Variants in TOP2B observed in about 807,000 individuals in gnomAD.
TOP2B encodes DNA topoisomerase II beta.
A neutral mutation model predicts 193.5 loss-of-function variants in TOP2B; 51 were observed. The observed-to-expected ratio is 0.26, with a 90% CI of 0.21 to 0.33. The LOEUF is 0.33. Ranked by LOEUF, TOP2B falls within the 10% of genes least tolerant of loss-of-function variation. The pLI is 1.00. For synonymous variants in TOP2B, 634 were observed against 635.7 expected (o/e 1.00, Z 0.04); for missense variants, 1,378 against 1,909.3 (o/e 0.72, Z 5.19).
chr3:25,598,427 G>A lies in TOP2B; in HGVS notation c.4761C>T (p.Pro1587=). ...AAGGTGGCTCAGTAGGGAAGTCTGAGGGGAAGATGTCCACATCTGAATCCT... is the reference window on the plus strand; with the variant it reads ...AAGGTGGCTCAGTAGGGAAGTCTGAAGGGAAGATGTCCACATCTGAATCCT... The part of the protein sequence containing the change: ...FDQDSDVDIF[P]SDFPTEPPSL... Residue 1587 remains proline, a synonymous_variant, in exon 36 of 36, where the codon CCC becomes CCT. Coordinates refer to ENST00000264331, the MANE Select transcript of TOP2B (RefSeq NM_001330700.2). The A allele has an allele frequency of 6.2e-7, 1 of 1,613,274 alleles. No individual in the cohort carries two copies. Among genetic ancestry groups the A allele is most frequent in the East Asian group, 2.2e-5 (1 of 44,864 alleles).
chr3:25,646,928 G>C (rs1005395275), intron 1 of TOP2B, among the ~76,000 whole-genome samples: 8 of 151,874 alleles, frequency 5.3e-5, no homozygotes, highest in African/African-American at 1.9e-4. Flanking sequence ...CAAAATAAAA[G>C]TATTAAAAAT....
At chr3:25,642,932 T>C (rs982535442) in intron 3 of TOP2B, among the ~76,000 whole-genome samples, 15 of 152,192 alleles carry the variant, frequency 9.9e-5, no homozygotes, top group African/African-American at 3.4e-4. Flanking sequence ...TCAAGGAAAT[T>C]TGAACACAAT....
chr3:25,624,970 T>G, intron 18 of TOP2B, 167 bp from the exon 19 acceptor site: 1 of 646,770 alleles, frequency 1.5e-6, no homozygotes, highest in Non-Finnish European at 2.6e-6. Context: ...TGTTTGTTTG[T>G]TTTTTCCTAG....
intron 28 of TOP2B, among the ~76,000 whole-genome samples, chr3:25,612,232 G>A (rs982406813): frequency 2.6e-5 from 4 of 152,156 alleles, no homozygotes; most frequent in African/African-American, 9.7e-5. Flanking sequence ...GTGAGCCACC[G>A]TGCCCGGCCG....
In TOP2B at chr3:25,623,660, C is replaced by A. The variant is rs757437706; in HGVS notation, c.2582G>T (p.Trp861Leu). The A allele has an allele frequency of 9.9e-6, 16 of 1,613,688 alleles. No homozygotes were observed. The highest frequency in any genetic ancestry group is 3.3e-5 in the Admixed American group (2 of 59,992). The part of the protein sequence containing the change: ...YDDNQRVEPE[W>L]YIPIIPMVLI... The stretch of plus-strand genomic sequence containing the variant: ...AACCATGGGAATTATAGGAATATAC[C>A]ACTCAGGCTCTACACGTTGATTATC... The change falls in exon 21 of 36, where the codon TGG becomes TTG. Residue 861 changes from tryptophan (W) to leucine (L), a missense_variant. Trp to Leu is a moderately conservative substitution (Grantham distance 61). Around this residue, in one of 9 missense-constraint regions of TOP2B, gnomAD observed 379 missense variants for 615.1 expected, o/e 0.62. Transcript: ENST00000264331.
rs1431718833 is a variant in TOP2B, at chr3:25,598,123, T to C, written c.*184A>G. 1 of 546,124 alleles carries C rather than the reference T, an allele frequency of 1.8e-6. No individual in the cohort carries two copies. The highest frequency in any genetic ancestry group is 3.1e-6 in the Non-Finnish European group (1 of 323,672). The allele number at this position is 546,124 out of a possible 1,614,324, so 33.8% of individuals were successfully genotyped here. A position where few individuals can be genotyped will look rare whatever the true frequency, so the allele number is the denominator to read the frequency against. On this transcript the variant is annotated 3_prime_UTR_variant, in exon 36 of 36. Transcript: ENST00000264331. ...AATCAGACAGTACGTGACATTTCAA[T>C]GAGTAAAAAAGAGCATAAAACTGTA...
chr3:25,623,452 G>A, intron 21 of TOP2B, 63 bp downstream of exon 21: 2 of 1,432,802 alleles, frequency 1.4e-6, no homozygotes, highest in East Asian at 4.7e-5. Flanking sequence ...TTTCTAAAAT[G>A]ACGGGAATTT....
At chr3:25,650,630 G>A (rs1703559507) in intron 1 of TOP2B, among the ~76,000 whole-genome samples, 1 of 152,194 alleles carries the variant, frequency 6.6e-6, no homozygotes, top group African/African-American at 2.4e-5. Context: ...AATTGTGGAA[G>A]CTGAACCGAC....
At chr3:25,637,714 C>T (rs1324886825) in intron 5 of TOP2B, among the ~76,000 whole-genome samples, 4 of 151,880 alleles carry the variant, frequency 2.6e-5, no homozygotes, top group African/African-American at 9.7e-5. Context: ...AAACAAAAAA[C>T]CTATCAACCT....
chr3:25,651,809 G>A (rs1703598333), intron 1 of TOP2B, among the ~76,000 whole-genome samples: 1 of 151,468 alleles, frequency 6.6e-6, no homozygotes, highest in African/African-American at 2.4e-5. Flanking sequence ...AGGTTGCAGT[G>A]AGCCAAGATT....
rs1190126587 is a variant in TOP2B, at chr3:25,629,954, TC to T, written c.1689+74del. 4.2e-6 allele frequency: 6 copies of T among 1,422,668 alleles called. No homozygotes were observed. In the African/African-American group the frequency reaches 7.2e-5, roughly 17 times the overall value. The allele number at this position is 1,422,668 out of a possible 1,614,324, so 88.1% of individuals were successfully genotyped here. ...TTCAGTTATACCATCTTCGGGCAAG[TC>T]TCATAAAACAAATATTAAAGGGAGA... On this transcript the variant is annotated intron_variant, in intron 13 of 35. Coordinates refer to ENST00000264331, the MANE Select transcript of TOP2B (RefSeq NM_001330700.2).
chr3:25,618,638 A>C lies in TOP2B; in HGVS notation c.3259+16T>G. On this transcript the variant is annotated intron_variant, in intron 24 of 35. Transcript: ENST00000264331. ...CATTTTAACTAATGTTCAAATTTTT[A>C]AAGGTTGTATCTTACCTATAGTAAT... The C allele has an allele frequency of 6.4e-7, 1 of 1,574,688 alleles. No individual in the cohort carries two copies. Among genetic ancestry groups the C allele is most frequent in the East Asian group, 2.2e-5 (1 of 44,526 alleles).
chr3:25,643,661 G>T, intron 3 of TOP2B, 33 bp downstream of exon 3: 1 of 1,486,436 alleles, frequency 6.7e-7, no homozygotes, highest in Non-Finnish European at 9.4e-7. Flanking sequence ...GATATTAATA[G>T]AAACATGCAT....
chr3:25,650,026 C>T (rs1302794185), intron 1 of TOP2B, among the ~76,000 whole-genome samples: 3 of 152,084 alleles, frequency 2.0e-5, no homozygotes, highest in African/African-American at 7.2e-5. Flanking sequence ...ACATTATCAA[C>T]TGAAAAAATT....
At position 25,599,544 on chromosome 3, in the gene TOP2B, A is replaced by G; in HGVS notation, c.4616-15T>C. Reference sequence around the variant, plus strand: ...TCGGCCTTTACCTTAAAATGATACAAAAGGTTTTTTCTTCCGTGGTTAAGT... The same window carrying G: ...TCGGCCTTTACCTTAAAATGATACAGAAGGTTTTTTCTTCCGTGGTTAAGT... On this transcript the variant is annotated splice_polypyrimidine_tract_variant and intron_variant, in intron 34 of 35. Transcript: ENST00000264331. The G allele has an allele frequency of 6.2e-7, 1 of 1,604,036 alleles. No homozygotes were observed. Among genetic ancestry groups the G allele is most frequent in the Non-Finnish European group, 8.5e-7 (1 of 1,175,220 alleles).
Position 25,615,442 on chromosome 3 carries a change from T to G in TOP2B, c.3496A>C (p.Arg1166=). 1 of 1,554,510 alleles carries G rather than the reference T, an allele frequency of 6.4e-7. No individual in the cohort carries two copies. Among genetic ancestry groups the G allele is most frequent in the Non-Finnish European group, 8.7e-7 (1 of 1,153,334 alleles). The change falls in exon 26 of 36, where the codon AGA becomes CGA. Residue 1166 remains arginine (R), a synonymous_variant. Transcript: ENST00000264331. ...ACAAAAGTTCATACTTTTGCATCTC[T>G]CTGTTTAATCAGTTCTTCAACTTTT... The part of the protein sequence containing the change: ...KEKVEELIKQ[R]DAKGREVNDL...
At chr3:25,598,550 A>G in intron 35 of TOP2B, 73 bp from the exon 36 acceptor site, 1 of 1,192,304 alleles carries the variant, frequency 8.4e-7, no homozygotes, top group East Asian at 2.7e-5. Context: ...ATCACTCCTT[A>G]AACTTCGCTT....
chr3:25,624,180 T>G (rs1214410942), intron 20 of TOP2B, 117 bp downstream of exon 20: 2 of 1,257,388 alleles, frequency 1.6e-6, no homozygotes, highest in Middle Eastern at 2.1e-4. Context: ...AACATTCACC[T>G]TCTAAGTAGA....
Position 25,615,281 on chromosome 3 carries a change from T to C in TOP2B, c.3515A>G (p.Glu1172Gly). 1 of 1,609,832 alleles carries C rather than the reference T, an allele frequency of 6.2e-7. No homozygotes were observed. The highest frequency in any genetic ancestry group is 1.1e-5 in the South Asian group (1 of 90,086). ...LIKQRDAKGR[E>G]VNDLKRKSPS... ...AGATTTTCTTTTAAGATCATTGACC[T>C]CTCGCCCCTATAATAAAAAAGTACA... Residue 1172 changes from glutamate to glycine, a missense_variant, in exon 27 of 36, where the codon GAG (glutamate) becomes GGG (glycine). Transcript: ENST00000264331.
Sources: gnomAD v4.1 joint callset for allele counts (sites outside exome capture counted in the v4.1 genomes callset) on GRCh38, gnomAD v4.1.1 for gene constraint, gnomAD v4.1.1 regional missense constraint, MANE v1.5 for transcripts, NCBI Gene and HGNC (gene_info 2026-07-23, HGNC 2026-07-21) for gene names.